Variants in CHST12 observed in about 807,000 individuals in gnomAD.
The protein encoded by CHST12 is carbohydrate sulfotransferase 12.
A neutral mutation model predicts 27.9 loss-of-function variants in CHST12; 23 were observed. That is an observed-to-expected ratio of 0.82 (90% CI 0.59 to 1.17). The LOEUF (loss-of-function observed/expected upper bound fraction) is 1.17, where lower values mean the gene tolerates loss of function less well. Ranked by LOEUF, CHST12 falls within the 50% of genes most tolerant of loss-of-function variation. The pLI, the probability that CHST12 is intolerant of heterozygous loss-of-function variation, is 0.00. For missense variants in CHST12, 682 were observed against 603.0 expected, an observed-to-expected ratio of 1.13 and a Z score of -1.37; for synonymous variants, 322 against 273.0, an observed-to-expected ratio of 1.18 and a Z score of -1.77.
At chr7:2,432,090 C>A (rs1782283614) in intron 1 of CHST12, among the ~76,000 whole-genome samples, 1 of 130,794 alleles carries the variant, frequency 7.6e-6, no homozygotes, top group East Asian at 2.4e-4. Flanking sequence ...TGCAGTGAGC[C>A]AAGATCGGGC....
In CHST12 at chr7:2,446,338, A is replaced by G. The variant is rs938380872; in HGVS notation, c.*12454A>G. On this transcript the variant is annotated 3_prime_UTR_variant, in exon 2 of 2. Transcript: ENST00000618655. ...TCGTGCGACTCTCGGAGTGCTGGCC[A>G]GATTGGCAGAGGGGAGGAGAGAGGA... The G allele has an allele frequency of 2.0e-5, 3 of 152,768 alleles. No homozygotes were observed. Among genetic ancestry groups the G allele is most frequent in the Non-Finnish European group, 2.9e-5 (2 of 68,122 alleles). The allele number at this position is 152,768 out of a possible 1,614,324, so 9.5% of individuals were successfully genotyped here.
At chr7:2,431,141 C>T (rs761675376) in intron 1 of CHST12, among the ~76,000 whole-genome samples, 7 of 152,124 alleles carry the variant, frequency 4.6e-5, no homozygotes, top group East Asian at 3.9e-4. Flanking sequence ...TTAGCTCTAT[C>T]GATTTTTGCT....
intron 1 of CHST12, 150 bp from the exon 2 acceptor site, chr7:2,432,413 C>A: frequency 1.7e-6 from 1 of 588,906 alleles, no homozygotes; most frequent in Non-Finnish European, 3.0e-6. Flanking sequence ...GCACTGCTGA[C>A]CTCAGCCTCC....
rs934626207 is a variant in CHST12 at position 2,441,787 on chromosome 7, G to T, written c.*7903G>T. On this transcript the variant is annotated 3_prime_UTR_variant, in exon 2 of 2. Transcript: ENST00000618655. ...TTCTCATAAGAAAAAAAAGAAAAAGGTTGACCTTGTAAGTATATTTTCTTG... is the reference window on the plus strand; with the variant it reads ...TTCTCATAAGAAAAAAAAGAAAAAGTTTGACCTTGTAAGTATATTTTCTTG... The T allele has an allele frequency of 6.6e-6, 1 of 151,844 alleles. No homozygotes were observed. The highest frequency in any genetic ancestry group is 2.4e-5 in the African/African-American group (1 of 41,322). 9.4% of individuals were successfully genotyped at this position (151,844 alleles called of 1,614,324 possible).
chr7:2,431,782 G>A (rs963445112), intron 1 of CHST12, among the ~76,000 whole-genome samples: 3 of 152,192 alleles, frequency 2.0e-5, no homozygotes, highest in Non-Finnish European at 4.4e-5. Flanking sequence ...GCTGTAGGGT[G>A]CAGTTTTTCC....
chr7:2,414,356 T>C (rs771964758), intron 1 of CHST12, among the ~76,000 whole-genome samples: 12 of 152,128 alleles, frequency 7.9e-5, no homozygotes, highest in Non-Finnish European at 1.3e-4. Context: ...TGATCTTGGC[T>C]CACTGCAACC....
chr7:2,403,497 C>T (rs1047716160), upstream of CHST12: 685 of 151,884 alleles, frequency 4.5e-3, 2 homozygotes, highest in Non-Finnish European at 8.2e-3. Context: ...GGCGGGCGCC[C>T]CTCGGCCTCC....
Position 2,427,218 on chromosome 7 carries a change from A to C in CHST12, c.-77-5345A>C, listed in dbSNP as rs150755138. The stretch of plus-strand genomic sequence containing the variant: ...AAAAAGAGAGAGAGAGAGACATACA[A>C]ATGTAAAAATACTCAGTTTAAGAAA... On this transcript the variant is annotated intron_variant, in intron 1 of 1. Coordinates refer to ENST00000618655, the MANE Select transcript of CHST12 (RefSeq NM_018641.5). Among the ~76,000 whole-genome samples, 233 of 152,062 alleles carry C rather than the reference A, an allele frequency of 1.5e-3. 4 individuals carry two copies. In the South Asian group the frequency reaches 0.031, roughly 20 times the overall value.
At chr7:2,420,523 C>T (rs1371156564) in intron 1 of CHST12, among the ~76,000 whole-genome samples, 2 of 152,222 alleles carry the variant, frequency 1.3e-5, no homozygotes, top group African/African-American at 4.8e-5. Flanking sequence ...AGACCCTGCT[C>T]TAAGTTGAGT....
intron 1 of CHST12, among the ~76,000 whole-genome samples, chr7:2,428,845 C>T (rs1782200113): frequency 1.3e-5 from 2 of 152,246 alleles, no homozygotes; most frequent in African/African-American, 2.4e-5. Context: ...AGAAACAGGA[C>T]GTGAAGCTAG....
At position 2,417,226 on chromosome 7, in the gene CHST12, CT is replaced by C. The variant is rs1210382918; in HGVS notation, c.-78+13569del. On this transcript the variant is annotated intron_variant, in intron 1 of 1. Transcript: ENST00000618655. ...GAGAGAGTTGATTCTCTTACTCTACCTTTTTTTTTTTTTTTTGAGGCAGAGT... is the reference window on the plus strand; with the variant it reads ...GAGAGAGTTGATTCTCTTACTCTACCTTTTTTTTTTTTTTTGAGGCAGAGT... Among the ~76,000 whole-genome samples the C allele has an allele frequency of 4.9e-3, 681 of 139,032 alleles. 1 individual carries two copies. The highest frequency in any genetic ancestry group is 7.6e-3 in the Middle Eastern group (2 of 262). 91.2% of individuals were successfully genotyped at this position (139,032 alleles called of 152,430 possible). A position where few individuals can be genotyped will look rare whatever the true frequency, so the allele number is the denominator to read the frequency against.
intron 1 of CHST12, among the ~76,000 whole-genome samples, chr7:2,416,522 T>A (rs1781813045): frequency 6.6e-6 from 1 of 152,230 alleles, no homozygotes; most frequent in African/African-American, 2.4e-5. Context: ...ATGTATTCCT[T>A]TAATAATAAG....
In CHST12 at chr7:2,440,948, T is replaced by A. The variant is rs1782588268; in HGVS notation, c.*7064T>A. On this transcript the variant is annotated 3_prime_UTR_variant, in exon 2 of 2. Coordinates refer to ENST00000618655, the MANE Select transcript of CHST12 (RefSeq NM_018641.5). ...CCTAGGATGAAAAAGCCAGGCCCTG[T>A]CTTTTTTCCTTGTCTAAGCACCATC... The A allele has an allele frequency of 6.6e-6, 1 of 152,164 alleles. No homozygotes were observed. 9.4% of individuals were successfully genotyped at this position (152,164 alleles called of 1,614,324 possible).
At chr7:2,409,374 GGAGGCC>G (rs1781605923) in intron 1 of CHST12, among the ~76,000 whole-genome samples, 1 of 152,202 alleles carries the variant, frequency 6.6e-6, no homozygotes, top group South Asian at 2.1e-4. Flanking sequence ...CAGCACTTCA[GGAGGCC>G]GAGGCAGGAG....
Position 2,441,777 on chromosome 7 carries a change from A to G in CHST12, c.*7893A>G, listed in dbSNP as rs975887384. ...AAGAGTGGGTTTCTCATAAGAAAAA[A>G]AAGAAAAAGGTTGACCTTGTAAGTA... On this transcript the variant is annotated 3_prime_UTR_variant, in exon 2 of 2. Coordinates refer to ENST00000618655, the MANE Select transcript of CHST12 (RefSeq NM_018641.5). The G allele has an allele frequency of 3.3e-5, 5 of 152,132 alleles. No individual in the cohort carries two copies. Among genetic ancestry groups the G allele is most frequent in the African/African-American group, 1.2e-4 (5 of 41,422 alleles). 9.4% of individuals were successfully genotyped at this position (152,132 alleles called of 1,614,324 possible).
At chr7:2,422,054 G>A (rs1033031384) in intron 1 of CHST12, among the ~76,000 whole-genome samples, 7 of 152,084 alleles carry the variant, frequency 4.6e-5, no homozygotes, top group South Asian at 2.1e-4. Flanking sequence ...GCTCAGTAAC[G>A]CCCTTATCTA....
At position 2,443,341 on chromosome 7, in the gene CHST12, C is replaced by G. The variant is rs1426950114; in HGVS notation, c.*9457C>G. Reference sequence around the variant, plus strand: ...GGTCTCACTCTTGACCTCAAGTGATCTGCCCGCCTCGGCCTCCCAAAGTGT... The same window carrying G: ...GGTCTCACTCTTGACCTCAAGTGATGTGCCCGCCTCGGCCTCCCAAAGTGT... On this transcript the variant is annotated 3_prime_UTR_variant, in exon 2 of 2. Coordinates refer to ENST00000618655, the MANE Select transcript of CHST12 (RefSeq NM_018641.5). 1 of 152,172 alleles carries G rather than the reference C, an allele frequency of 6.6e-6. No homozygotes were observed. Among genetic ancestry groups the G allele is most frequent in the African/African-American group, 2.4e-5 (1 of 41,412 alleles). The allele number at this position is 152,172 out of a possible 1,614,324, so 9.4% of individuals were successfully genotyped here.
chr7:2,421,673 G>A (rs1037977866), intron 1 of CHST12, among the ~76,000 whole-genome samples: 8 of 152,020 alleles, frequency 5.3e-5, no homozygotes, highest in African/African-American at 1.9e-4. Flanking sequence ...CTGAGCTCAA[G>A]TGATCTGCCC....
At chr7:2,420,172 A>C (rs907353808) in intron 1 of CHST12, among the ~76,000 whole-genome samples, 10 of 151,268 alleles carry the variant, frequency 6.6e-5, no homozygotes, top group South Asian at 2.1e-4. Flanking sequence ...ACGGGGTTTC[A>C]CCGTGTTAGC....
Sources: allele counts gnomAD v4.1 joint callset (sites outside exome capture counted in the v4.1 genomes callset), GRCh38; gene constraint gnomAD v4.1.1; transcripts MANE v1.5; gene names NCBI Gene and HGNC (gene_info 2026-07-23, HGNC 2026-07-21).